Variants in NR6A1 observed in about 807,000 individuals in gnomAD.
NR6A1 encodes retinoic acid receptor-related testis-associated receptor.
NR6A1 carries 7 observed loss-of-function variants against 59.1 expected under a neutral mutation model. That is an observed-to-expected ratio of 0.12 (90% confidence interval 0.07 to 0.22). The LOEUF is 0.22. NR6A1 is among the 10% of genes least tolerant of loss of function. The pLI, the probability that NR6A1 is intolerant of heterozygous loss-of-function variation, is 1.00. For missense variants in NR6A1, 468 were observed against 611.6 expected (o/e 0.77, Z 2.48); for synonymous variants, 243 against 236.1 (o/e 1.03, Z -0.27).
intron 2 of NR6A1, among the ~76,000 whole-genome samples, chr9:124,581,876 C>T (rs1834781930): frequency 6.6e-6 from 1 of 152,076 alleles, no homozygotes; most frequent in African/African-American, 2.4e-5. Flanking sequence ...CAGTGAGATA[C>T]CATCTCACAT....
intron 1 of NR6A1, among the ~76,000 whole-genome samples, chr9:124,761,287 A>T (rs1840779087): frequency 6.6e-6 from 1 of 152,230 alleles, no homozygotes. Flanking sequence ...ATATCAAGAT[A>T]ATTAGAGCTC....
rs141058869 is a variant in NR6A1, at chr9:124,771,200, G to A, written c.-81C>T. ...AGTCGCCGTGGTCGTCGTCCGCCGA[G>A]GGGAGGAGGTTGTCAGGAGCCCGCG... On this transcript the variant is annotated 5_prime_UTR_variant, in exon 1 of 10. Transcript: ENST00000487099. 1,871 of 808,066 alleles carry A rather than the reference G, an allele frequency of 2.3e-3. 27 individuals carry two copies. In the African/African-American group the frequency reaches 0.029, roughly 13 times the overall value. The allele number at this position is 808,066 out of a possible 1,614,324, so 50.1% of individuals were successfully genotyped here.
intron 2 of NR6A1, among the ~76,000 whole-genome samples, chr9:124,709,834 C>G (rs375863138): frequency 6.6e-5 from 10 of 151,682 alleles, no homozygotes; most frequent in African/African-American, 2.2e-4. Flanking sequence ...ACTCGGGAGG[C>G]TGAGGCAGGA....
intron 2 of NR6A1, among the ~76,000 whole-genome samples, chr9:124,584,578 A>G (rs558930058): frequency 2.6e-5 from 4 of 152,270 alleles, no homozygotes; most frequent in Admixed American, 2.0e-4. Context: ...GGTCATCTGT[A>G]ATCAGTGATC....
intron 2 of NR6A1, among the ~76,000 whole-genome samples, chr9:124,624,915 T>G (rs1224780566): frequency 2.0e-5 from 3 of 151,172 alleles, no homozygotes; most frequent in Non-Finnish European, 4.4e-5. Flanking sequence ...CTAGCTTGTT[T>G]TTTTTTTTTT....
rs370998710 is a variant in NR6A1, at chr9:124,636,140, A to C, written c.143-81570T>G. ...GCATCTTTTCTTATGCTTTTTCACC[A>C]CTTATATTATTGTCTTTGGTGAGGT... On this transcript the variant is annotated intron_variant, in intron 2 of 9. Transcript: ENST00000487099. Among the ~76,000 whole-genome samples, 15 of 152,222 alleles carry C rather than the reference A, an allele frequency of 9.9e-5. No homozygotes were observed. In the East Asian group the frequency reaches 1.5e-3, roughly 16 times the overall value.
intron 2 of NR6A1, among the ~76,000 whole-genome samples, chr9:124,707,489 A>C (rs1839168188): frequency 6.6e-6 from 1 of 151,348 alleles, no homozygotes; most frequent in Non-Finnish European, 1.5e-5. Flanking sequence ...TCCAACATTT[A>C]GGATCACTCA....
intron 2 of NR6A1, among the ~76,000 whole-genome samples, chr9:124,589,472 A>AT (rs1403946169): frequency 6.6e-6 from 1 of 152,180 alleles, no homozygotes; most frequent in Non-Finnish European, 1.5e-5. Context: ...AAAATAAAAA[A>AT]TAAAAAAAAT....
At chr9:124,553,549 C>CTTTTTTTTTTTT (rs780925768) in intron 3 of NR6A1, among the ~76,000 whole-genome samples, 1,338 of 47,402 alleles carry the variant, frequency 0.028, 34 homozygotes, top group Middle Eastern at 0.038. Flanking sequence ...TTTAGCTTGA[C>CTTTTTTTTTTTT]TTTTTTTTTT....
intron 3 of NR6A1, among the ~76,000 whole-genome samples, chr9:124,548,226 A>T (rs188496202): frequency 8.8e-4 from 134 of 152,370 alleles, no homozygotes; most frequent in Middle Eastern, 3.4e-3. Flanking sequence ...ATTTAGGTAA[A>T]GGGCATATGG....
chr9:124,712,409 G>C (rs1839303498), intron 2 of NR6A1, among the ~76,000 whole-genome samples: 1 of 152,138 alleles, frequency 6.6e-6, no homozygotes, highest in East Asian at 1.9e-4. Context: ...AGGAGCTGGA[G>C]ACCGGACTGG....
chr9:124,738,601 G>A (rs977804801), intron 1 of NR6A1, among the ~76,000 whole-genome samples: 1 of 152,124 alleles, frequency 6.6e-6, no homozygotes, highest in Admixed American at 6.5e-5. Context: ...GGGCACAATC[G>A]CTCACGCCTG....
chr9:124,605,305 A>G (rs1480104008), intron 2 of NR6A1, among the ~76,000 whole-genome samples: 3 of 152,226 alleles, frequency 2.0e-5, no homozygotes, highest in Non-Finnish European at 4.4e-5. Context: ...GAGAAAATCT[A>G]CAGATTAGGA....
At position 124,543,828 on chromosome 9, in the gene NR6A1, G is replaced by A. The variant is rs1298977088; in HGVS notation, c.415C>T (p.Arg139Trp). ...TGGACTGGCCCAATGCTCTTATTCC[G>A]GCCTCCAGGCATGCCATCTTCTCTG... is the stretch of plus-strand genomic sequence containing the variant. ...AIREDGMPGGRNKSIGPVQIS... is the reference protein window; with the variant it reads ...AIREDGMPGGWNKSIGPVQIS... The change falls in exon 4 of 10, where the codon CGG (arginine) becomes TGG (tryptophan). Residue 139 changes from arginine (R) to tryptophan (W), a missense_variant. Coordinates refer to ENST00000487099, the MANE Select transcript of NR6A1 (RefSeq NM_033334.4). 1 of 1,613,398 alleles carries A rather than the reference G, an allele frequency of 6.2e-7. No homozygotes were observed. The highest frequency in any genetic ancestry group is 1.3e-5 in the African/African-American group (1 of 74,932).
intron 2 of NR6A1, among the ~76,000 whole-genome samples, chr9:124,590,789 G>A (rs190048723): frequency 6.6e-5 from 10 of 152,262 alleles, no homozygotes; most frequent in Non-Finnish European, 1.0e-4. Flanking sequence ...ATCAAACATG[G>A]TCATGGCAAC....
intron 1 of NR6A1, among the ~76,000 whole-genome samples, chr9:124,742,267 A>T (rs998474060): frequency 6.6e-6 from 1 of 152,190 alleles, no homozygotes; most frequent in Non-Finnish European, 1.5e-5. Context: ...AAGGAGTTTT[A>T]AAAAAATAAA....
intron 2 of NR6A1, among the ~76,000 whole-genome samples, chr9:124,558,256 C>T (rs1264187969): frequency 6.6e-6 from 1 of 152,124 alleles, no homozygotes; most frequent in Non-Finnish European, 1.5e-5. Flanking sequence ...TTGCTTTTCT[C>T]ATGATAGTTT....
intron 2 of NR6A1, among the ~76,000 whole-genome samples, chr9:124,660,045 A>G (rs909558225): frequency 1.3e-5 from 2 of 152,210 alleles, no homozygotes; most frequent in Admixed American, 6.5e-5. Flanking sequence ...CATGGGTTGG[A>G]AAGTATTTTA....
chr9:124,587,745 A>C (rs1834976482), intron 2 of NR6A1, among the ~76,000 whole-genome samples: 1 of 152,192 alleles, frequency 6.6e-6, no homozygotes, highest in Non-Finnish European at 1.5e-5. Flanking sequence ...TTCATCACTA[A>C]GACCGCAAAT....
Sources: gnomAD v4.1 joint callset for allele counts (sites outside exome capture counted in the v4.1 genomes callset) on GRCh38, gnomAD v4.1.1 for gene constraint, MANE v1.5 for transcripts, NCBI Gene and HGNC (gene_info 2026-07-23, HGNC 2026-07-21) for gene names.